HYDIN: variants seen among roughly 807,000 people sequenced by gnomAD.
HYDIN encodes HYDIN axonemal central pair apparatus protein, also known as axonemal central pair apparatus protein HYDIN.
Under a neutral mutation model 403.9 loss-of-function variants are expected in HYDIN, and 132 were observed. The observed-to-expected ratio is 0.33, with a 90% confidence interval of 0.28 to 0.38. The LOEUF (loss-of-function observed/expected upper bound fraction) is 0.38, where lower values mean the gene tolerates loss of function less well. Ranked by LOEUF, HYDIN falls within the 10% of genes least tolerant of loss-of-function variation. The pLI is 1.00. For synonymous variants in HYDIN, 1,202 were observed against 1,891.7 expected (o/e 0.64, Z 9.46); for missense variants, 2,827 against 5,009.5 (o/e 0.56, Z 13.15).
At chr16:71,081,568 T>A (rs2144344024) in intron 12 of HYDIN, among the ~76,000 whole-genome samples, 1 of 151,688 alleles carries the variant, frequency 6.6e-6, no homozygotes, top group Non-Finnish European at 1.5e-5. Flanking sequence ...GTTTAAAAAA[T>A]TTACACAAAG....
chr16:71,047,938 C>A (rs1367354812), intron 18 of HYDIN, among the ~76,000 whole-genome samples: 2 of 151,758 alleles, frequency 1.3e-5, no homozygotes, highest in East Asian at 3.9e-4. Flanking sequence ...AGAGCTTATT[C>A]CTCTTATCTA....
At chr16:71,205,072 G>C (rs2088223693) in intron 1 of HYDIN, among the ~76,000 whole-genome samples, 2 of 152,222 alleles carry the variant, frequency 1.3e-5, no homozygotes, top group Admixed American at 6.5e-5. Flanking sequence ...GGCATTTGCT[G>C]ATCCAGAAAA....
chr16:70,896,149 T>C, intron 53 of HYDIN, 69 bp from the exon 54 acceptor site: 5 of 1,592,126 alleles, frequency 3.1e-6, no homozygotes, highest in Non-Finnish European at 3.4e-6. Context: ...AAACATGTAA[T>C]ATCCTAACGG....
intron 23 of HYDIN, among the ~76,000 whole-genome samples, chr16:70,994,329 G>C (rs554484670): frequency 9.2e-5 from 14 of 151,638 alleles, no homozygotes; most frequent in African/African-American, 2.9e-4. Context: ...GTGGAATGTT[G>C]AATGAGAACA....
At chr16:70,812,685 A>C (rs2035582671) in intron 84 of HYDIN, among the ~76,000 whole-genome samples, 1 of 152,238 alleles carries the variant, frequency 6.6e-6, no homozygotes. Flanking sequence ...TAGAAAACCA[A>C]ATAAATGCTA....
At chr16:71,074,707 CAA>C (rs59315287) in intron 13 of HYDIN, among the ~76,000 whole-genome samples, 11 of 86,180 alleles carry the variant, frequency 1.3e-4, no homozygotes, top group African/African-American at 2.7e-4. Flanking sequence ...CAAAAAACAC[CAA>C]AAAAAAAAAA....
chr16:70,961,942 C>A lies in HYDIN; in HGVS notation c.5968+17G>T. 1 of 1,019,006 alleles carries A rather than the reference C, an allele frequency of 9.8e-7. No homozygotes were observed. Among genetic ancestry groups the A allele is most frequent in the African/African-American group, 3.3e-5 (1 of 29,986 alleles). The allele number at this position is 1,019,006 out of a possible 1,614,324, so 63.1% of individuals were successfully genotyped here. A position where few individuals can be genotyped will look rare whatever the true frequency, so the allele number is the denominator to read the frequency against. On this transcript the variant is annotated intron_variant, in intron 38 of 85. Transcript: ENST00000393567. ...CTTGGAGAGAACTAGTATCAAAACA[C>A]TAAAATGCTCGGTTACTTTGGAAAA...
At chr16:71,088,026 A>G (rs2082982417) in intron 12 of HYDIN, 1 of 145,342 alleles carries the variant, frequency 6.9e-6, no homozygotes, top group South Asian at 2.4e-4. Flanking sequence ...TAAGACATAG[A>G]GAGTAACTAG....
chr16:70,861,415 G>T (rs1057263107), intron 69 of HYDIN, among the ~76,000 whole-genome samples: 16 of 152,176 alleles, frequency 1.1e-4, no homozygotes, highest in Non-Finnish European at 1.9e-4. Context: ...CAGCTCACAG[G>T]ATTTTTCTGT....
At position 71,115,985 on chromosome 16, in the gene HYDIN, T is replaced by C. The variant is rs571420858; in HGVS notation, c.1228-190A>G. Among the ~76,000 whole-genome samples the C allele has an allele frequency of 2.8e-4, 42 of 152,262 alleles. No individual in the cohort carries two copies. In the South Asian group the frequency reaches 8.3e-3, roughly 30 times the overall value. Reference sequence around the variant, plus strand: ...GCAGTCAAGGAAATCAACACATCTATCTCCTCACATAGTTAACTTGTGTGT... The same window carrying C: ...GCAGTCAAGGAAATCAACACATCTACCTCCTCACATAGTTAACTTGTGTGT... On this transcript the variant is annotated intron_variant, in intron 9 of 85. Transcript: ENST00000393567.
rs780801868 is a variant in HYDIN, at chr16:70,868,725, T to A, written c.11155A>T (p.Ile3719Phe). Residue 3719 changes from isoleucine to phenylalanine, a missense_variant, in exon 66 of 86, where the codon ATC (isoleucine) becomes TTC (phenylalanine). Physicochemically the swap from Ile to Phe is conservative, Grantham distance 21 (BLOSUM62 0). Transcript: ENST00000393567. ...CTGATCCGCATATTCTTTAGGTTGA[T>A]GGGTACATCTGACTTCATGGTCACC... ...IVVTMKSDVP[I>F]NLKNMRIRCK... The A allele has an allele frequency of 2.5e-6, 4 of 1,614,072 alleles. No homozygotes were observed. The highest frequency in any genetic ancestry group is 3.4e-6 in the Non-Finnish European group (4 of 1,180,016).
chr16:71,141,471 C>T (rs2085170545), intron 7 of HYDIN, among the ~76,000 whole-genome samples: 1 of 151,800 alleles, frequency 6.6e-6, no homozygotes, highest in Admixed American at 6.6e-5. Context: ...ATTTGATTAC[C>T]TAAAAATGAA....
chr16:71,189,573 C>G (rs894591705), intron 1 of HYDIN, among the ~76,000 whole-genome samples: 2 of 152,044 alleles, frequency 1.3e-5, no homozygotes, highest in African/African-American at 4.8e-5. Context: ...TGAGACCATC[C>G]TGGCTAACAC....
At chr16:70,877,169 G>C (rs1301682064) in intron 62 of HYDIN, among the ~76,000 whole-genome samples, 1 of 147,272 alleles carries the variant, frequency 6.8e-6, no homozygotes, top group African/African-American at 2.7e-5. Context: ...CAGAGGAAAA[G>C]TGAGTGGAAA....
At position 71,179,011 on chromosome 16, in the gene HYDIN, G is replaced by T; in HGVS notation, c.298C>A (p.Pro100Thr). 4 of 1,611,476 alleles carry T rather than the reference G, an allele frequency of 2.5e-6. No homozygotes were observed. Among genetic ancestry groups the T allele is most frequent in the Non-Finnish European group, 3.4e-6 (4 of 1,177,902 alleles). ...GIDLDQALFQ[P>T]FPSEIIFQNY... ...TGAAATATAATTTCTGATGGAAAGG[G>T]CTGGAATAATGCCTGATCCAGGTCA... The change falls in exon 4 of 86, where the codon CCC becomes ACC. Residue 100 changes from proline (P) to threonine (T), a missense_variant. Pro to Thr is a conservative substitution (Grantham distance 38, BLOSUM62 -1). Coordinates refer to ENST00000393567, the MANE Select transcript of HYDIN (RefSeq NM_001270974.2).
chr16:71,084,987 C>T (rs1178267199), intron 12 of HYDIN, among the ~76,000 whole-genome samples: 1 of 139,982 alleles, frequency 7.1e-6, no homozygotes. Flanking sequence ...CCACATGTTG[C>T]TGGATTTGGT....
At chr16:70,818,267 G>A (rs541604880) in intron 84 of HYDIN, 75 bp downstream of exon 84, 1 of 801,370 alleles carries the variant, frequency 1.2e-6, no homozygotes, top group Admixed American at 2.1e-5. Context: ...GATGCAGAGT[G>A]TGGATCCAGA....
chr16:71,129,799 C>T lies in HYDIN; in HGVS notation c.1068G>A (p.Glu356=), dbSNP rs767475154. 1.9e-5 allele frequency: 31 copies of T among 1,611,978 alleles called. No homozygotes were observed. In the Admixed American group the frequency reaches 4.9e-4, roughly 25 times the overall value. Residue 356 remains glutamate (E), a synonymous_variant, in exon 9 of 86, where the codon GAG becomes GAA. Transcript: ENST00000393567. ...AAAACTCATCAGTCTCATCCTTCTC[C>T]TCTTTGATCAGATCATCACAGGCCC... ...KYRACDDLIK[E]EKDETDEFFE... is the part of the protein sequence containing the mutation.
At chr16:71,129,617 T>A in intron 9 of HYDIN, 23 bp downstream of exon 9, 1 of 1,577,970 alleles carries the variant, frequency 6.3e-7, no homozygotes. Context: ...TCCTGTATGG[T>A]CAGCTTTTAT....
Sources: allele counts gnomAD v4.1 joint callset (sites outside exome capture counted in the v4.1 genomes callset), GRCh38; gene constraint gnomAD v4.1.1; transcripts MANE v1.5; gene names NCBI Gene and HGNC (gene_info 2026-07-23, HGNC 2026-07-21).